USP42: variants seen among roughly 807,000 people sequenced by gnomAD.
USP42 encodes ubiquitin carboxyl-terminal hydrolase 42.
USP42 carries 23 observed loss-of-function variants against 113.0 expected under a neutral mutation model. The observed-to-expected ratio is 0.20, with a 90% CI of 0.15 to 0.29. The LOEUF (loss-of-function observed/expected upper bound fraction) is 0.29. Ranked by LOEUF, USP42 falls within the 10% of genes least tolerant of loss-of-function variation. The probability of loss-of-function intolerance (pLI) is 1.00; values close to 1 mark genes in which losing one functional copy is unlikely to be tolerated. For missense variants in USP42, 2,174 were observed against 1,779.8 expected, an observed-to-expected ratio of 1.22 and a Z score of -3.99; for synonymous variants, 933 against 699.0, an observed-to-expected ratio of 1.33 and a Z score of -5.28.
the USP42 span, among the ~76,000 whole-genome samples, chr7:6,095,288 A>C: frequency 6.6e-6 from 1 of 151,194 alleles, no homozygotes; most frequent in East Asian, 1.9e-4. Context: ...GGTGCTTTAG[A>C]GCTGCGTTAA....
At chr7:6,132,605 C>T (rs541474520) in intron 3 of USP42, among the ~76,000 whole-genome samples, 8 of 152,146 alleles carry the variant, frequency 5.3e-5, no homozygotes, top group Middle Eastern at 6.8e-3. Flanking sequence ...GTGATCTACC[C>T]GCCTCAGCCT....
At chr7:6,124,030 C>T (rs947367686) in intron 3 of USP42, among the ~76,000 whole-genome samples, 13 of 152,212 alleles carry the variant, frequency 8.5e-5, no homozygotes, top group Non-Finnish European at 1.6e-4. Context: ...CATGCGCCGC[C>T]GTGCCCGGCT....
At position 6,139,333 on chromosome 7, in the gene USP42, C is replaced by G; in HGVS notation, c.656+139C>G. The G allele has an allele frequency of 1.7e-6, 1 of 596,154 alleles. No individual in the cohort carries two copies. Among genetic ancestry groups the G allele is most frequent in the South Asian group, 2.7e-5 (1 of 37,422 alleles). The allele number at this position is 596,154 out of a possible 1,614,324, so 36.9% of individuals were successfully genotyped here. A position where few individuals can be genotyped will look rare whatever the true frequency, so the allele number is the denominator to read the frequency against. On this transcript the variant is annotated intron_variant, in intron 5 of 17. Coordinates refer to ENST00000306177, the MANE Select transcript of USP42 (RefSeq NM_032172.3). This position sits in a 1 kb window ranked among gnomAD's most constrained non-coding sequence, Gnocchi z 4.5. Reference sequence around the variant, plus strand: ...TTTACCTTTTGGCTTTGCTCTGCCTCTTCCTTAGGTGATGTGCATTATTTT... The same window carrying G: ...TTTACCTTTTGGCTTTGCTCTGCCTGTTCCTTAGGTGATGTGCATTATTTT...
chr7:6,115,658 A>T, intron 3 of USP42, 135 bp downstream of exon 3: 1 of 1,086,580 alleles, frequency 9.2e-7, no homozygotes, highest in Non-Finnish European at 1.3e-6. Flanking sequence ...TTAGAAACCA[A>T]GGAGGAGGAC....
intron 3 of USP42, chr7:6,127,997 C>T (rs1173930552): frequency 6.6e-6 from 1 of 152,118 alleles, no homozygotes; most frequent in African/African-American, 2.4e-5. Flanking sequence ...TCATAGCTCA[C>T]TGCATCCTCA....
rs1438069480 is a variant in USP42, at chr7:6,161,129, C to T, written c.*611C>T. On this transcript the variant is annotated 3_prime_UTR_variant, in exon 18 of 18. Coordinates refer to ENST00000306177, the MANE Select transcript of USP42 (RefSeq NM_032172.3). ...GAACTGTTCCAATCAATCAATTTCCCAGTTATGATGAGTATTTACATTATG... is the reference window on the plus strand; with the variant it reads ...GAACTGTTCCAATCAATCAATTTCCTAGTTATGATGAGTATTTACATTATG... The T allele has an allele frequency of 2.0e-5, 3 of 152,506 alleles. No individual in the cohort carries two copies. Among genetic ancestry groups the T allele is most frequent in the African/African-American group, 7.3e-5 (3 of 41,366 alleles). 9.4% of individuals were successfully genotyped at this position (152,506 alleles called of 1,614,324 possible).
intron 3 of USP42, among the ~76,000 whole-genome samples, chr7:6,124,105 A>C (rs976776138): frequency 3.3e-5 from 5 of 151,742 alleles, no homozygotes; most frequent in African/African-American, 1.2e-4. Flanking sequence ...TGAAATCTTA[A>C]CCTCAGGTCA....
At chr7:6,108,317 C>T (rs10261466) in intron 1 of USP42, among the ~76,000 whole-genome samples, 8,986 of 151,988 alleles carry the variant, frequency 0.059, 421 homozygotes, top group African/African-American at 0.13. Context: ...GCAGGAGGAT[C>T]GTTTGAGGCC....
At chr7:6,133,598 T>G (rs1275016995) in intron 3 of USP42, among the ~76,000 whole-genome samples, 2 of 152,090 alleles carry the variant, frequency 1.3e-5, no homozygotes, top group East Asian at 3.9e-4. Context: ...TACTGCAGCC[T>G]CCAACTGCTG....
intron 3 of USP42, among the ~76,000 whole-genome samples, chr7:6,129,600 C>A (rs1234231589): frequency 6.7e-6 from 1 of 149,914 alleles, no homozygotes; most frequent in Non-Finnish European, 1.5e-5. Flanking sequence ...GTGGCTCATG[C>A]CTGTAATCCC....
intron 17 of USP42, among the ~76,000 whole-genome samples, chr7:6,160,067 A>T (rs904746624): frequency 1.3e-4 from 20 of 152,184 alleles, no homozygotes; most frequent in African/African-American, 4.8e-4. Context: ...GTCCTGGGAG[A>T]GTCACTGGTT....
chr7:6,109,383 T>C (rs891083700), intron 1 of USP42, among the ~76,000 whole-genome samples: 10 of 152,204 alleles, frequency 6.6e-5, no homozygotes, highest in African/African-American at 2.4e-4. Context: ...AAGGTGTTCT[T>C]TCTTCCTTTC....
rs772710719 is a variant in USP42, at chr7:6,153,809, C to G, written c.2255C>G (p.Pro752Arg). 4.3e-4 allele frequency: 660 copies of G among 1,523,888 alleles called. 2 individuals carry two copies. The highest frequency in any genetic ancestry group is 5.6e-4 in the Non-Finnish European group (631 of 1,134,246). 94.4% of individuals were successfully genotyped at this position (1,523,888 alleles called of 1,614,324 possible). Residue 752 changes from proline (P) to arginine (R), a missense_variant, in exon 15 of 18, where the codon CCT becomes CGT. Transcript: ENST00000306177. ...GAGGACCGCGACGCCGAGCCTCAGC[C>G]TGGCAGCCCCGCCGCCGAATCCCTG... Reference protein sequence around the residue: ...PPEDRDAEPQPGSPAAESLEE... With the variant: ...PPEDRDAEPQRGSPAAESLEE...
the USP42 span, among the ~76,000 whole-genome samples, chr7:6,091,585 A>G: frequency 6.7e-6 from 1 of 150,180 alleles, no homozygotes; most frequent in Non-Finnish European, 1.5e-5. Flanking sequence ...TCTATTGATT[A>G]TATTGATTCT....
the USP42 span, among the ~76,000 whole-genome samples, chr7:6,090,942 T>C: frequency 6.6e-6 from 1 of 150,640 alleles, no homozygotes; most frequent in South Asian, 2.1e-4. Flanking sequence ...CAATTTATGT[T>C]CCAGGAAGAA....
chr7:6,116,526 C>A, intron 3 of USP42: 1 of 299,912 alleles, frequency 3.3e-6, no homozygotes, highest in South Asian at 2.9e-5. Flanking sequence ...TGTGTATGTT[C>A]TGGGGCTATT....
At chr7:6,102,150 C>G (rs1468941327), upstream of USP42, among the ~76,000 whole-genome samples, 1 of 137,476 alleles carries the variant, frequency 7.3e-6, no homozygotes, top group South Asian at 2.4e-4. Flanking sequence ...GAATCTCACT[C>G]TGTTGCCCAG....
At chr7:6,092,097 C>CT in the USP42 span, among the ~76,000 whole-genome samples, 1 of 36,712 alleles carries the variant, frequency 2.7e-5, no homozygotes, top group Non-Finnish European at 5.8e-5. Context: ...CTTCTTCTTC[C>CT]TCCTCTTCTT....
At chr7:6,091,978 TTTCTTCTTCTTCTTC>T in the USP42 span, among the ~76,000 whole-genome samples, 194 of 67,890 alleles carry the variant, frequency 2.9e-3, 6 homozygotes, top group East Asian at 0.018. Flanking sequence ...GGACGTATTT[TTTCTTCTTCTTCTTC>T]TTCTTCTTCT....
Sources: allele counts gnomAD v4.1 joint callset (sites outside exome capture counted in the v4.1 genomes callset), GRCh38; gene constraint gnomAD v4.1.1; non-coding constraint Gnocchi (gnomAD v3.1); transcripts MANE v1.5; gene names NCBI Gene and HGNC (gene_info 2026-07-23, HGNC 2026-07-21).